ERC2: variants seen among roughly 807,000 people sequenced by gnomAD.
ERC2 encodes the protein ELKS/RAB6-interacting/CAST family member 2.
ERC2 carries 42 observed loss-of-function variants against 114.8 expected under a neutral mutation model. That is an observed-to-expected ratio of 0.37 (90% CI 0.29 to 0.47). The LOEUF is 0.47. Among genes scored for constraint, ERC2 ranks in the 20% least tolerant of loss-of-function variants. The probability of loss-of-function intolerance (pLI) is 0.99; values close to 1 mark genes in which losing one functional copy is unlikely to be tolerated. For synonymous variants in ERC2, 454 were observed against 425.5 expected (o/e 1.07, Z -0.82); for missense variants, 939 against 1,150.7 (o/e 0.82, Z 2.66).
chr3:55,552,514 G>A (rs1046377703), intron 17 of ERC2, among the ~76,000 whole-genome samples: 5 of 151,714 alleles, frequency 3.3e-5, no homozygotes, highest in East Asian at 3.9e-4. Context: ...TACAAGCTGC[G>A]TAAACAAGGT....
chr3:55,557,716 C>T (rs2055715857), intron 17 of ERC2, among the ~76,000 whole-genome samples: 1 of 152,240 alleles, frequency 6.6e-6, no homozygotes, highest in Non-Finnish European at 1.5e-5. Context: ...CTGATCCCTG[C>T]CAACCTCTTC....
In ERC2 at chr3:56,060,447, G is replaced by T. The variant is rs140405659; in HGVS notation, c.1641+20370C>A. 7.8e-3 allele frequency among the ~76,000 whole-genome samples: 1,183 copies of T among 152,316 alleles called. 12 individuals are homozygous for T. Among genetic ancestry groups the T allele is most frequent in the Middle Eastern group, 0.017 (5 of 294 alleles). Reference sequence around the variant, plus strand: ...ATCCATGAGAAAGTTTTAGTACTATGCATGGCAGCCTTGTAAGTATTTAAT... The same window carrying T: ...ATCCATGAGAAAGTTTTAGTACTATTCATGGCAGCCTTGTAAGTATTTAAT... On this transcript the variant is annotated intron_variant, in intron 7 of 17. Coordinates refer to ENST00000288221, the MANE Select transcript of ERC2 (RefSeq NM_015576.3).
intron 17 of ERC2, among the ~76,000 whole-genome samples, chr3:55,649,137 A>G (rs1404180253): frequency 4.6e-5 from 7 of 152,192 alleles, no homozygotes; most frequent in Admixed American, 1.3e-4. Flanking sequence ...CACCTGTGAC[A>G]GGCATAAGAC....
chr3:55,713,910 C>T (rs1231074715), intron 15 of ERC2, among the ~76,000 whole-genome samples: 3 of 152,182 alleles, frequency 2.0e-5, no homozygotes, highest in African/African-American at 7.2e-5. Context: ...TGGTACCCTG[C>T]GACTATGCCA....
chr3:55,531,660 G>A (rs62251468), intron 17 of ERC2, among the ~76,000 whole-genome samples: 3,706 of 152,258 alleles, frequency 0.024, 80 homozygotes, highest in Middle Eastern at 0.078. Context: ...CAGGAAAGGA[G>A]GTCATTCTCC....
chr3:56,465,629 G>C (rs1427607072), intron 1 of ERC2, among the ~76,000 whole-genome samples: 1 of 152,196 alleles, frequency 6.6e-6, no homozygotes, highest in Non-Finnish European at 1.5e-5. Flanking sequence ...AAATGGAAGA[G>C]TGTGAATTTT....
At chr3:56,295,908 C>A in intron 3 of ERC2, 111 bp downstream of exon 3, 2 of 1,223,960 alleles carry the variant, frequency 1.6e-6, no homozygotes, top group Non-Finnish European at 2.2e-6. Context: ...AAGCAGATGA[C>A]AAAGGGAATT....
At chr3:55,766,246 G>C (rs1479834822) in intron 14 of ERC2, among the ~76,000 whole-genome samples, 3 of 121,562 alleles carry the variant, frequency 2.5e-5, no homozygotes, top group Non-Finnish European at 5.0e-5. Flanking sequence ...TTAAAGGCTA[G>C]AACACAACTC....
At chr3:56,095,278 A>C (rs1207080621) in intron 6 of ERC2, among the ~76,000 whole-genome samples, 1 of 152,088 alleles carries the variant, frequency 6.6e-6, no homozygotes, top group Admixed American at 6.6e-5. Context: ...TTAAAAAGAA[A>C]ATATGGGGGC....
At chr3:55,536,539 C>T (rs755324091) in intron 17 of ERC2, among the ~76,000 whole-genome samples, 2 of 152,192 alleles carry the variant, frequency 1.3e-5, no homozygotes, top group Admixed American at 1.3e-4. Flanking sequence ...GATGCAGGGC[C>T]TGGAGTAAGG....
chr3:55,938,155 CAAGA>C, intron 13 of ERC2, among the ~76,000 whole-genome samples: 1 of 150,070 alleles, frequency 6.7e-6, no homozygotes, highest in East Asian at 2.0e-4. Flanking sequence ...CTCGAAAAAC[CAAGA>C]GGTTCTTTCA....
chr3:55,759,319 A>G (rs940347586), intron 14 of ERC2, among the ~76,000 whole-genome samples: 9 of 152,240 alleles, frequency 5.9e-5, no homozygotes, highest in African/African-American at 2.2e-4. Flanking sequence ...CGCAAATACA[A>G]TAATATGACT....
chr3:55,980,097 T>C (rs1576439341), intron 12 of ERC2, among the ~76,000 whole-genome samples: 2 of 142,946 alleles, frequency 1.4e-5, no homozygotes, highest in Admixed American at 7.0e-5. Flanking sequence ...TTGCACGAAG[T>C]GTAAATTAGA....
At chr3:56,238,590 T>A (rs1005134611) in intron 3 of ERC2, among the ~76,000 whole-genome samples, 1 of 152,164 alleles carries the variant, frequency 6.6e-6, no homozygotes. Flanking sequence ...CAGGGGAGAC[T>A]GAAGCTCCAG....
intron 10 of ERC2, among the ~76,000 whole-genome samples, chr3:56,005,581 G>A (rs534459506): frequency 6.6e-6 from 1 of 152,152 alleles, no homozygotes; most frequent in Non-Finnish European, 1.5e-5. Flanking sequence ...AAGGTGTCAA[G>A]CATGTACCTA....
intron 2 of ERC2, among the ~76,000 whole-genome samples, chr3:56,306,770 T>G (rs1267952773): frequency 6.6e-6 from 1 of 152,178 alleles, no homozygotes; most frequent in Non-Finnish European, 1.5e-5. Flanking sequence ...CAGCCCAGAC[T>G]CTGGAGCCAG....
chr3:55,759,719 A>G (rs1486096624), intron 14 of ERC2, among the ~76,000 whole-genome samples: 1 of 152,166 alleles, frequency 6.6e-6, no homozygotes, highest in Non-Finnish European at 1.5e-5. Context: ...TGAGTCCAGT[A>G]GTTAATTTTA....
chr3:55,557,611 C>G (rs4955812), intron 17 of ERC2, among the ~76,000 whole-genome samples: 1,837 of 152,356 alleles, frequency 0.012, 93 homozygotes, highest in South Asian at 0.1. Flanking sequence ...TTGGCACTCT[C>G]CAAAGTCTGC....
chr3:56,134,697 C>A (rs1370508228), intron 6 of ERC2, among the ~76,000 whole-genome samples: 1 of 152,068 alleles, frequency 6.6e-6, no homozygotes, highest in Non-Finnish European at 1.5e-5. Flanking sequence ...AAAACCCCTG[C>A]ATTCTTTGTT....
Sources: allele counts gnomAD v4.1 joint callset (sites outside exome capture counted in the v4.1 genomes callset), GRCh38; gene constraint gnomAD v4.1.1; transcripts MANE v1.5; gene names NCBI Gene and HGNC (gene_info 2026-07-23, HGNC 2026-07-21).